HIP1: variants seen among roughly 807,000 people sequenced by gnomAD.
HIP1 encodes huntingtin interacting protein 1, also known as huntingtin-interacting protein 1.
In HIP1, 65 loss-of-function variants were observed where a neutral mutation model predicts 147.6. The observed-to-expected ratio is 0.44, with a 90% CI of 0.36 to 0.54. HIP1 has a LOEUF of 0.54. HIP1 is among the 20% of genes least tolerant of loss of function. HIP1 has a pLI of 0.00. For synonymous variants in HIP1, 479 were observed against 504.0 expected, an observed-to-expected ratio of 0.95 and a Z score of 0.67; for missense variants, 1,061 against 1,299.6, an observed-to-expected ratio of 0.82 and a Z score of 2.82.
intron 1 of HIP1, among the ~76,000 whole-genome samples, chr7:75,685,407 G>C (rs1201212923): frequency 6.6e-6 from 1 of 152,208 alleles, no homozygotes; most frequent in Non-Finnish European, 1.5e-5. Context: ...CTGTGAAATG[G>C]TATTGCGTGT....
intron 14 of HIP1, among the ~76,000 whole-genome samples, chr7:75,558,667 T>A (rs1795110177): frequency 6.6e-6 from 1 of 152,166 alleles, no homozygotes; most frequent in South Asian, 2.1e-4. Context: ...CCCTTGAAAG[T>A]CCTACTTACA....
At chr7:75,601,479 C>T (rs1554502913) in intron 1 of HIP1, among the ~76,000 whole-genome samples, 1 of 151,976 alleles carries the variant, frequency 6.6e-6, no homozygotes, top group Non-Finnish European at 1.5e-5. Flanking sequence ...ATCCCAGCTA[C>T]TTGCTACTCG....
rs553829720 is a variant in HIP1, at chr7:75,730,909, A to T, written c.120+7892T>A. Among the ~76,000 whole-genome samples, 218 of 150,032 alleles carry T rather than the reference A, an allele frequency of 1.5e-3. 1 individual carries two copies. The highest frequency in any genetic ancestry group is 5.2e-3 in the African/African-American group (213 of 40,882). On this transcript the variant is annotated intron_variant, in intron 1 of 30. Transcript: ENST00000336926. Reference sequence around the variant, plus strand: ...ACCACCACGCCCAGCTAATTTTTATATTTTTAGTAGAGAATGGGTTTCACC... The same window carrying T: ...ACCACCACGCCCAGCTAATTTTTATTTTTTTAGTAGAGAATGGGTTTCACC...
chr7:75,663,940 A>C (rs1319660640), intron 1 of HIP1, among the ~76,000 whole-genome samples: 1 of 131,978 alleles, frequency 7.6e-6, no homozygotes, highest in Non-Finnish European at 1.7e-5. Context: ...GTGTGTATAT[A>C]TATATATACA....
At chr7:75,654,407 C>T (rs1238170698) in intron 1 of HIP1, 1 of 152,054 alleles carries the variant, frequency 6.6e-6, no homozygotes, top group Non-Finnish European at 1.5e-5. Flanking sequence ...AAAGAAGAAA[C>T]AGAACTAATG....
intron 1 of HIP1, among the ~76,000 whole-genome samples, chr7:75,633,802 C>T (rs1324389157): frequency 2.0e-5 from 3 of 152,104 alleles, no homozygotes; most frequent in Non-Finnish European, 4.4e-5. Flanking sequence ...AACAGGTTGA[C>T]CAGAAGTCTT....
intron 1 of HIP1, among the ~76,000 whole-genome samples, chr7:75,646,062 A>G (rs1798791002): frequency 6.6e-6 from 1 of 152,110 alleles, no homozygotes; most frequent in African/African-American, 2.4e-5. Context: ...AAACCTGCAC[A>G]TGTACCCCCT....
At chr7:75,621,943 G>A (rs890727428) in intron 1 of HIP1, among the ~76,000 whole-genome samples, 3 of 152,140 alleles carry the variant, frequency 2.0e-5, no homozygotes, top group Admixed American at 6.6e-5. Flanking sequence ...GTATCCCAGT[G>A]GAGCTGTGGG....
chr7:75,734,365 G>C (rs1440698583), intron 1 of HIP1, among the ~76,000 whole-genome samples: 1 of 152,086 alleles, frequency 6.6e-6, no homozygotes, highest in Admixed American at 6.6e-5. Context: ...AGGATCACTT[G>C]AGCCCAGGAG....
intron 1 of HIP1, among the ~76,000 whole-genome samples, chr7:75,713,701 A>ATTT (rs10685090): frequency 0.13 from 19,281 of 145,958 alleles, 1,518 homozygotes; most frequent in African/African-American, 0.21. Flanking sequence ...GTGACATGCC[A>ATTT]TTTTTTTTTT....
At chr7:75,635,836 A>C (rs909207894) in intron 1 of HIP1, among the ~76,000 whole-genome samples, 1 of 151,548 alleles carries the variant, frequency 6.6e-6, no homozygotes, top group African/African-American at 2.4e-5. Flanking sequence ...CAGCCTGGGC[A>C]ACATGGCAAA....
intron 11 of HIP1, 54 bp downstream of exon 11, chr7:75,562,881 C>T (rs1795277961): frequency 1.3e-6 from 2 of 1,596,670 alleles, no homozygotes; most frequent in South Asian, 2.2e-5. Flanking sequence ...CAGCCTCTCC[C>T]CTGTACTTGC....
Position 75,534,209 on chromosome 7 carries a change from C to T in HIP1, c.*3963G>A. 1 of 226,796 alleles carries T rather than the reference C, an allele frequency of 4.4e-6. No individual in the cohort carries two copies. 14.0% of individuals were successfully genotyped at this position (226,796 alleles called of 1,614,324 possible). On this transcript the variant is annotated 3_prime_UTR_variant, in exon 31 of 31. Transcript: ENST00000336926. ...TCCCGTGTTACCTGGTGGCATAAAC[C>T]TTGGTGTCTGACTTGGTAGCTGGGA...
At chr7:75,697,985 T>C (rs1800693467) in intron 1 of HIP1, among the ~76,000 whole-genome samples, 1 of 152,164 alleles carries the variant, frequency 6.6e-6, no homozygotes, top group Non-Finnish European at 1.5e-5. Context: ...TAAAGTTTTA[T>C]AATTTAAAAA....
chr7:75,591,722 CAAAAA>C (rs1168286308), intron 4 of HIP1, among the ~76,000 whole-genome samples: 2 of 79,680 alleles, frequency 2.5e-5, no homozygotes. Context: ...CCGTCTCTAC[CAAAAA>C]AAAAAAAAAA....
At chr7:75,635,375 C>T (rs1311912175) in intron 1 of HIP1, among the ~76,000 whole-genome samples, 4 of 152,058 alleles carry the variant, frequency 2.6e-5, no homozygotes, top group Admixed American at 1.3e-4. Context: ...AGAGGGAAAT[C>T]AAGAGTCACC....
At chr7:75,652,012 GA>G (rs35304169) in intron 1 of HIP1, among the ~76,000 whole-genome samples, 31,650 of 134,134 alleles carry the variant, frequency 0.24, 3,558 homozygotes, top group Middle Eastern at 0.3. Flanking sequence ...CTGTCTCAAA[GA>G]AAAAAAAAAA....
At chr7:75,613,777 G>GTACA in intron 1 of HIP1, among the ~76,000 whole-genome samples, 2 of 152,322 alleles carry the variant, frequency 1.3e-5, no homozygotes, top group East Asian at 1.9e-4. Flanking sequence ...CCAGGCTGGA[G>GTACA]TACAGTGGTG....
chr7:75,612,298 T>G (rs1269058382), intron 1 of HIP1, among the ~76,000 whole-genome samples: 2 of 152,050 alleles, frequency 1.3e-5, no homozygotes, highest in Non-Finnish European at 2.9e-5. Context: ...TCACCCAAAG[T>G]CAGGAGCTCC....
Sources: allele counts gnomAD v4.1 joint callset (sites outside exome capture counted in the v4.1 genomes callset), GRCh38; gene constraint gnomAD v4.1.1; transcripts MANE v1.5; gene names NCBI Gene and HGNC (gene_info 2026-07-23, HGNC 2026-07-21).